The following KIAA1328 variants were observed in gnomAD, a reference collection of about 807,000 sequenced individuals.
KIAA1328 encodes protein hinderin.
A neutral mutation model predicts 68.1 loss-of-function variants in KIAA1328; 52 were observed. That is an observed-to-expected ratio of 0.76 (90% CI 0.61 to 0.96). The LOEUF is 0.96. Among genes scored for constraint, KIAA1328 ranks in the 40% least tolerant of loss-of-function variants. KIAA1328 has a pLI of 0.00. For missense variants in KIAA1328, 641 were observed against 677.6 expected, an observed-to-expected ratio of 0.95 and a Z score of 0.60; for synonymous variants, 232 against 239.4, an observed-to-expected ratio of 0.97 and a Z score of 0.28.
Position 37,224,261 on chromosome 18 carries a change from A to G in KIAA1328, c.*2034A>G. The G allele has an allele frequency of 1.0e-6, 1 of 985,450 alleles. No homozygotes were observed. The highest frequency in any genetic ancestry group is 1.2e-6 in the Non-Finnish European group (1 of 829,936). 61.0% of individuals were successfully genotyped at this position (985,450 alleles called of 1,614,324 possible). ...AGGATGCCAGAGGATCAAGAAAAGGATCACAGTTTCTTGAAGAAGCTTGTT... is the reference window on the plus strand; with the variant it reads ...AGGATGCCAGAGGATCAAGAAAAGGGTCACAGTTTCTTGAAGAAGCTTGTT... On this transcript the variant is annotated 3_prime_UTR_variant, in exon 10 of 10. Coordinates refer to ENST00000280020, the MANE Select transcript of KIAA1328 (RefSeq NM_020776.3).
chr18:36,911,323 T>G (rs1292865404), intron 5 of KIAA1328, among the ~76,000 whole-genome samples: 5 of 152,162 alleles, frequency 3.3e-5, no homozygotes, highest in African/African-American at 1.2e-4. Flanking sequence ...ATACTCTAAT[T>G]AGGAATTCGA....
intron 6 of KIAA1328, among the ~76,000 whole-genome samples, chr18:36,999,951 GA>G (rs2053527999): frequency 6.6e-6 from 1 of 151,214 alleles, no homozygotes; most frequent in African/African-American, 2.4e-5. Flanking sequence ...AGGGAACAAA[GA>G]ATATATAAGA....
At chr18:37,083,743 C>T (rs2151808114) in intron 7 of KIAA1328, among the ~76,000 whole-genome samples, 1 of 152,238 alleles carries the variant, frequency 6.6e-6, no homozygotes, top group East Asian at 1.9e-4. Context: ...TGGTCAGGGT[C>T]AGTGATAATT....
chr18:36,970,516 G>GTC (rs36162896), intron 6 of KIAA1328, among the ~76,000 whole-genome samples: 111,378 of 151,892 alleles, frequency 0.73, 43,921 homozygotes, highest in South Asian at 0.89. Context: ...AAGTCAAATT[G>GTC]TCTGTTTGCA....
At chr18:36,875,948 G>A (rs2048108339) in intron 4 of KIAA1328, among the ~76,000 whole-genome samples, 1 of 152,064 alleles carries the variant, frequency 6.6e-6, no homozygotes, top group African/African-American at 2.4e-5. Context: ...CATTGTTTCT[G>A]TTTGTGTGAT....
intron 5 of KIAA1328, among the ~76,000 whole-genome samples, chr18:36,947,082 T>C (rs1450355861): frequency 2.0e-5 from 3 of 152,226 alleles, no homozygotes; most frequent in South Asian, 2.1e-4. Flanking sequence ...GAGAATCGCT[T>C]GAACTTGGGA....
chr18:37,012,330 G>A lies in KIAA1328; in HGVS notation c.576+52895G>A, dbSNP rs559157206. Among the ~76,000 whole-genome samples, 136 of 152,286 alleles carry A rather than the reference G, an allele frequency of 8.9e-4. No homozygotes were observed. The Middle Eastern group carries it at 0.01, about 11-fold the overall frequency. On this transcript the variant is annotated intron_variant, in intron 6 of 9. Coordinates refer to ENST00000280020, the MANE Select transcript of KIAA1328 (RefSeq NM_020776.3). ...GGCCAGATCGACCAACAAGTCATTG[G>A]TGTTTCTGCTGCTTCCACAACTGCT...
At chr18:37,206,644 T>C (rs1489306787) in intron 9 of KIAA1328, among the ~76,000 whole-genome samples, 2 of 152,178 alleles carry the variant, frequency 1.3e-5, no homozygotes, top group Non-Finnish European at 2.9e-5. Context: ...TTGTTGTAGT[T>C]GCAAATTCAT....
At chr18:37,059,105 G>A (rs2056044509) in intron 6 of KIAA1328, among the ~76,000 whole-genome samples, 1 of 151,966 alleles carries the variant, frequency 6.6e-6, no homozygotes, top group African/African-American at 2.4e-5. Context: ...ATGTTGATGT[G>A]ACCTTGGGAA....
chr18:37,216,765 A>G (rs1186341855), intron 9 of KIAA1328, among the ~76,000 whole-genome samples: 1 of 151,894 alleles, frequency 6.6e-6, no homozygotes, highest in Non-Finnish European at 1.5e-5. Context: ...GTGGGAGTCT[A>G]TGTCTCCTTG....
chr18:37,139,209 C>T (rs890436423), intron 7 of KIAA1328, among the ~76,000 whole-genome samples: 3 of 151,880 alleles, frequency 2.0e-5, no homozygotes, highest in African/African-American at 4.8e-5. Flanking sequence ...GTGATCTGCC[C>T]GCCTCGGCCT....
At chr18:37,143,598 T>C (rs2154208562) in intron 7 of KIAA1328, among the ~76,000 whole-genome samples, 1 of 140,622 alleles carries the variant, frequency 7.1e-6, no homozygotes, top group East Asian at 2.4e-4. Flanking sequence ...AAAGAAGACA[T>C]CCTTATATTG....
At chr18:37,026,636 C>T (rs1367238269) in intron 6 of KIAA1328, among the ~76,000 whole-genome samples, 2 of 152,158 alleles carry the variant, frequency 1.3e-5, no homozygotes, top group African/African-American at 2.4e-5. Flanking sequence ...ATGATTATCT[C>T]AATAGATGCA....
intron 7 of KIAA1328, among the ~76,000 whole-genome samples, chr18:37,076,153 C>A (rs1226975143): frequency 6.6e-6 from 1 of 152,222 alleles, no homozygotes; most frequent in Non-Finnish European, 1.5e-5. Flanking sequence ...ACAGTGCAAT[C>A]AAACTAGAAC....
intron 5 of KIAA1328, among the ~76,000 whole-genome samples, chr18:36,914,637 T>C (rs1170764555): frequency 3.3e-5 from 5 of 152,006 alleles, no homozygotes; most frequent in Non-Finnish European, 4.4e-5. Context: ...GGAGAATTGC[T>C]TGAAACCAGA....
At chr18:36,970,678 C>T (rs949390631) in intron 6 of KIAA1328, among the ~76,000 whole-genome samples, 17 of 152,162 alleles carry the variant, frequency 1.1e-4, no homozygotes, top group African/African-American at 4.1e-4. Flanking sequence ...AGAGCCAAAT[C>T]ATGAGTGAAC....
At chr18:36,897,748 G>A (rs1021230622) in intron 5 of KIAA1328, among the ~76,000 whole-genome samples, 5 of 152,064 alleles carry the variant, frequency 3.3e-5, no homozygotes, top group Admixed American at 6.6e-5. Context: ...AATGGGGTGA[G>A]AGGAGGCTTT....
rs1192745378 is a variant in KIAA1328, at chr18:37,079,170, G to T, written c.1232+11625G>T. Among the ~76,000 whole-genome samples the T allele has an allele frequency of 2.5e-5, 3 of 120,856 alleles. 1 individual carries two copies. The highest frequency in any genetic ancestry group is 8.5e-5 in the African/African-American group (2 of 23,480). 79.3% of individuals were successfully genotyped at this position (120,856 alleles called of 152,430 possible). A position where few individuals can be genotyped will look rare whatever the true frequency, so the allele number is the denominator to read the frequency against. On this transcript the variant is annotated intron_variant, in intron 7 of 9. Transcript: ENST00000280020. The stretch of plus-strand genomic sequence containing the variant: ...CAGCCATAAAAAATGATGAGTTCAT[G>T]TCCTTTGTAGGGACATGGATGAAGC...
intron 6 of KIAA1328, chr18:37,063,771 C>T (rs1389163737): frequency 7.1e-6 from 4 of 563,754 alleles, no homozygotes; most frequent in Admixed American, 6.4e-5. Flanking sequence ...GATAATTTCA[C>T]AGTTAGTACC....
Sources: allele counts gnomAD v4.1 joint callset (sites outside exome capture counted in the v4.1 genomes callset), GRCh38; gene constraint gnomAD v4.1.1; transcripts MANE v1.5; gene names NCBI Gene and HGNC (gene_info 2026-07-23, HGNC 2026-07-21).